CCDC154: variants seen among roughly 807,000 people sequenced by gnomAD.
The protein encoded by CCDC154 is coiled-coil domain-containing protein 154.
Under a neutral mutation model 87.5 loss-of-function variants are expected in CCDC154, and 91 were observed. The ratio of observed to expected loss-of-function variants is 1.04; its 90% CI spans 0.88 to 1.24. The LOEUF is 1.24. CCDC154 is among the 50% of genes most tolerant of loss of function. The pLI is 0.00. For synonymous variants in CCDC154, 418 were observed against 400.4 expected, an observed-to-expected ratio of 1.04 and a Z score of -0.52; for missense variants, 903 against 879.2, an observed-to-expected ratio of 1.03 and a Z score of -0.34.
At position 1,443,291 on chromosome 16, in the gene CCDC154, A is replaced by G. The variant is rs994890842; in HGVS notation, c.425T>C (p.Leu142Pro). 6.5e-7 allele frequency: 1 copy of G among 1,549,128 alleles called. No homozygotes were observed. Among genetic ancestry groups the G allele is most frequent in the Non-Finnish European group, 8.7e-7 (1 of 1,146,472 alleles). Reference protein sequence around the residue: ...PEKEAPEFSGLQNQMQALDKR... With the variant: ...PEKEAPEFSGPQNQMQALDKR... The stretch of plus-strand genomic sequence containing the variant: ...GTCCAGGGCCTGCATCTGGTTCTGG[A>G]GACCAGAGAACTGCGAGGAGGAAGA... Residue 142 changes from leucine (L) to proline (P), a missense_variant, in exon 4 of 17, where the codon CTC (leucine) becomes CCC (proline). Coordinates refer to ENST00000389176, the MANE Select transcript of CCDC154 (RefSeq NM_001143980.3).
At chr16:1,442,643 C>T in intron 5 of CCDC154, 114 bp from the exon 6 acceptor site, 1 of 1,265,388 alleles carries the variant, frequency 7.9e-7, no homozygotes, top group Non-Finnish European at 1.1e-6. Context: ...CCCTGCCCCA[C>T]CAGAAAACAG....
At chr16:1,436,321 C>A in intron 13 of CCDC154, 124 bp downstream of exon 13, 1 of 977,104 alleles carries the variant, frequency 1.0e-6, no homozygotes, top group Non-Finnish European at 1.5e-6. Flanking sequence ...TGGGCCAGGC[C>A]CGGGCTCAGG....
intron 4 of CCDC154, 140 bp from the exon 5 acceptor site, chr16:1,443,115 C>A (rs1167081788): frequency 7.3e-6 from 10 of 1,366,532 alleles, no homozygotes; most frequent in Middle Eastern, 2.1e-4. Flanking sequence ...ACGTACAAAC[C>A]CGGCCTTTTC....
chr16:1,439,457 A>AC, intron 6 of CCDC154: 1 of 303,762 alleles, frequency 3.3e-6, no homozygotes, highest in South Asian at 4.7e-5. Context: ...AGTGTCGTGC[A>AC]GGTGTCCCCA....
intron 14 of CCDC154, 76 bp downstream of exon 14, chr16:1,435,893 T>A (rs2038497310): frequency 1.6e-6 from 2 of 1,266,396 alleles, no homozygotes; most frequent in Non-Finnish European, 2.2e-6. Flanking sequence ...GGGTCCTGCC[T>A]CTCCGCACGG....
Position 1,442,572 on chromosome 16 carries a change from G to A in CCDC154, c.552-43C>T, listed in dbSNP as rs776147334. On this transcript the variant is annotated intron_variant, in intron 5 of 16. Coordinates refer to ENST00000389176, the MANE Select transcript of CCDC154 (RefSeq NM_001143980.3). ...GGTCACACCAGCCCAGCTGGCCGGA[G>A]GGCCCAGCAGGGTGAGGCTGACCCA... 4.0e-6 allele frequency: 6 copies of A among 1,483,420 alleles called. No homozygotes were observed. The South Asian group carries it at 8.2e-5, about 20-fold the overall frequency. 91.9% of individuals were successfully genotyped at this position (1,483,420 alleles called of 1,614,324 possible). A position where few individuals can be genotyped will look rare whatever the true frequency, so the allele number is the denominator to read the frequency against.
At chr16:1,444,074 A>T (rs35836184) in intron 1 of CCDC154, 62 bp from the exon 2 acceptor site, 106,943 of 1,231,292 alleles carry the variant, frequency 0.087, 5,244 homozygotes, top group Non-Finnish European at 0.1. Context: ...AGCTTACGGG[A>T]ACAAGGCCCC....
Position 1,434,539 on chromosome 16 carries a change from C to T in CCDC154, c.1878-5G>A, listed in dbSNP as rs1322926165. ...GACGCCTTCCAGCGCAGCCACCTGT[C>T]CAGAGATGCGGCACATGGCCCCTGC... On this transcript the variant is annotated splice_region_variant and splice_polypyrimidine_tract_variant and intron_variant, in intron 16 of 16. Transcript: ENST00000389176. 2 of 1,542,438 alleles carry T rather than the reference C, an allele frequency of 1.3e-6. No individual in the cohort carries two copies. Among genetic ancestry groups the T allele is most frequent in the East Asian group, 2.5e-5 (1 of 40,794 alleles).
intron 11 of CCDC154, 87 bp from the exon 12 acceptor site, chr16:1,436,898 A>ATAC: frequency 6.6e-7 from 1 of 1,505,642 alleles, no homozygotes; most frequent in Non-Finnish European, 8.9e-7. Flanking sequence ...TCTGGGGAGC[A>ATAC]GGCGGCCCCC....
rs568195058 is a variant in CCDC154, at chr16:1,439,199, C to A, written c.676-73G>T. 5.0e-5 allele frequency: 68 copies of A among 1,356,646 alleles called. 1 individual carries two copies. In the South Asian group the frequency reaches 8.4e-4, roughly 17 times the overall value. The allele number at this position is 1,356,646 out of a possible 1,614,324, so 84.0% of individuals were successfully genotyped here. ...AGCCGGTCCCCCTCCTGCCCATGGTCTCCATCAGAGTTGGAGTCCCCTGCT... is the reference window on the plus strand; with the variant it reads ...AGCCGGTCCCCCTCCTGCCCATGGTATCCATCAGAGTTGGAGTCCCCTGCT... On this transcript the variant is annotated intron_variant, in intron 6 of 16. Transcript: ENST00000389176.
In CCDC154 at chr16:1,443,255, G is replaced by A. The variant is rs2038573258; in HGVS notation, c.455+6C>T. ...GGGCCTGTGCCCCTAGGTGTGTGGG[G>A]GGTACCTTTTGTCCAGGGCCTGCAT... is the stretch of plus-strand genomic sequence containing the variant. On this transcript the variant is annotated splice_donor_region_variant and intron_variant, in intron 4 of 16. Coordinates refer to ENST00000389176, the MANE Select transcript of CCDC154 (RefSeq NM_001143980.3). 1 of 1,548,640 alleles carries A rather than the reference G, an allele frequency of 6.5e-7. No homozygotes were observed. Among genetic ancestry groups the A allele is most frequent in the African/African-American group, 1.4e-5 (1 of 72,842 alleles).
Position 1,443,695 on chromosome 16 carries a change from C to T in CCDC154, c.225G>A (p.Trp75Ter). 1 of 1,295,674 alleles carries T rather than the reference C, an allele frequency of 7.7e-7. No homozygotes were observed. Among genetic ancestry groups the T allele is most frequent in the South Asian group, 1.3e-5 (1 of 77,564 alleles). 80.3% of individuals were successfully genotyped at this position (1,295,674 alleles called of 1,614,324 possible). The change falls in exon 3 of 17, where the codon TGG (tryptophan) becomes TGA (stop). Residue 75 changes from tryptophan to a stop codon, truncating the protein, a stop_gained and splice_region_variant. Transcript: ENST00000389176. LOFTEE classifies it high-confidence loss of function. ...CCACCTCGGCCTGCAGCTCCACCACCCTGGCCGGGGCGAGAGTGGGCGAGT... is the reference window on the plus strand; with the variant it reads ...CCACCTCGGCCTGCAGCTCCACCACTCTGGCCGGGGCGAGAGTGGGCGAGT... ...TAKHWNQLEQ[W>*]VVELQAEVAC...
chr16:1,440,184 TCA>T (rs1445225449), intron 6 of CCDC154, among the ~76,000 whole-genome samples: 1 of 137,444 alleles, frequency 7.3e-6, no homozygotes, highest in African/African-American at 2.8e-5. Flanking sequence ...GCGAGGTGGC[TCA>T]CGCCTGAAAT....
rs1170509925 is a variant in CCDC154, at chr16:1,434,509, T to C, written c.1903A>G (p.Ile635Val). ...VRWLRWKASL[I>V]KLRALRRPGG... ...GGCCTCCGCAGGGCCCTGAGCTTTATGAGGGACGCCTTCCAGCGCAGCCAC... is the reference window on the plus strand; with the variant it reads ...GGCCTCCGCAGGGCCCTGAGCTTTACGAGGGACGCCTTCCAGCGCAGCCAC... The change falls in exon 17 of 17, where the codon ATA becomes GTA. Residue 635 changes from isoleucine (I) to valine (V), a missense_variant. By Grantham distance (29) the Ile-to-Val change is conservative. Transcript: ENST00000389176. 5 of 1,548,802 alleles carry C rather than the reference T, an allele frequency of 3.2e-6. No homozygotes were observed. Among genetic ancestry groups the C allele is most frequent in the Non-Finnish European group, 4.4e-6 (5 of 1,146,426 alleles).
At chr16:1,442,727 G>A (rs2038563704) in intron 5 of CCDC154, among the ~76,000 whole-genome samples, 153 bp downstream of exon 5, 1 of 152,254 alleles carries the variant, frequency 6.6e-6, no homozygotes. Flanking sequence ...GTCCGCAGCG[G>A]GCCCAGGCTT....
chr16:1,435,949 G>A lies in CCDC154; in HGVS notation c.1605+20C>T, dbSNP rs1294936507. 1.6e-5 allele frequency: 25 copies of A among 1,538,276 alleles called. No homozygotes were observed. Among genetic ancestry groups the A allele is most frequent in the East Asian group, 2.4e-5 (1 of 40,880 alleles). ...GGCTCCCCCTCTCTCCCAGCTGGGT[G>A]CGGGCAGCCCCAGGACTACCGTGGC... On this transcript the variant is annotated intron_variant, in intron 14 of 16. Transcript: ENST00000389176.
rs1449101440 is a variant in CCDC154, at chr16:1,437,871, A to G, written c.1236T>C (p.Ala412=). The change falls in exon 11 of 17, where the codon GCT becomes GCC. Residue 412 remains alanine, a synonymous_variant. Coordinates refer to ENST00000389176, the MANE Select transcript of CCDC154 (RefSeq NM_001143980.3). Reference sequence around the variant, plus strand: ...CCTGCAGATCGAGCCGGCTGCTCAGAGCCGGGAGATGGCCACTCAGCTCCT... The same window carrying G: ...CCTGCAGATCGAGCCGGCTGCTCAGGGCCGGGAGATGGCCACTCAGCTCCT... ...QLKELSGHLP[A]LSSRLDLQEQ... The G allele has an allele frequency of 1.1e-5, 17 of 1,544,192 alleles. No individual in the cohort carries two copies. The highest frequency in any genetic ancestry group is 1.5e-5 in the Non-Finnish European group (17 of 1,146,436).
At chr16:1,439,472 C>T (rs1039302758) in intron 6 of CCDC154, among the ~76,000 whole-genome samples, 20 of 150,826 alleles carry the variant, frequency 1.3e-4, no homozygotes, top group Admixed American at 6.7e-5. Flanking sequence ...TCCCCATGCA[C>T]GGGGAGCCAG....
In CCDC154 at chr16:1,444,306, C is replaced by T; in HGVS notation, c.7+10G>A. The T allele has an allele frequency of 6.1e-6, 8 of 1,302,386 alleles. No homozygotes were observed. Among genetic ancestry groups the T allele is most frequent in the Non-Finnish European group, 8.1e-6 (8 of 988,872 alleles). 80.7% of individuals were successfully genotyped at this position (1,302,386 alleles called of 1,614,324 possible). A position where few individuals can be genotyped will look rare whatever the true frequency, so the allele number is the denominator to read the frequency against. On this transcript the variant is annotated intron_variant, in intron 1 of 16. Transcript: ENST00000389176. ...CCCCTCCCTGGGCCCCGCTCCTCCG[C>T]TCTGGTCACCTGACATGGCTGCTGG...
Sources: gnomAD v4.1 joint callset for allele counts (sites outside exome capture counted in the v4.1 genomes callset) on GRCh38, gnomAD v4.1.1 for gene constraint, MANE v1.5 for transcripts, NCBI Gene and HGNC (gene_info 2026-07-23, HGNC 2026-07-21) for gene names.